SPIN2A: variants seen among roughly 807,000 people sequenced by gnomAD.
SPIN2A encodes spindlin-2A.
In SPIN2A, 4 loss-of-function variants were observed where a neutral mutation model predicts 9.2. The ratio of observed to expected loss-of-function variants is 0.44; its 90% confidence interval spans 0.21 to 1.00. SPIN2A has a LOEUF of 1.00. SPIN2A is among the 50% of genes least tolerant of loss of function. SPIN2A has a pLI of 0.26. For missense variants in SPIN2A, 77 were observed against 172.8 expected (o/e 0.45, Z 3.11); for synonymous variants, 25 against 61.2 (o/e 0.41, Z 2.76).
In SPIN2A at chrX:57,135,757, A is replaced by G; in HGVS notation, c.*64T>C. 3 of 1,166,406 alleles carry G rather than the reference A, an allele frequency of 2.6e-6. No individual in the cohort carries two copies. The highest frequency in any genetic ancestry group is 2.4e-4 in the Middle Eastern group (1 of 4,088). On this transcript the variant is annotated 3_prime_UTR_variant, in exon 2 of 2. Transcript: ENST00000374906. ...AGCTTTCAGTACACTGAAAGGCAAC[A>G]TTTTTTGCATGTCTACAAATTATAC... is the stretch of plus-strand genomic sequence containing the variant.
At chrX:57,141,236 G>A (rs1927996012), upstream of SPIN2A, among the ~76,000 whole-genome samples, 1 of 111,710 alleles carries the variant, frequency 9.0e-6, no homozygotes, top group Admixed American at 9.5e-5. Context: ...GATATATCAC[G>A]TTTATTGATT....
the SPIN2A span, among the ~76,000 whole-genome samples, chrX:57,143,928 T>G: frequency 8.9e-6 from 1 of 112,262 alleles, no homozygotes; most frequent in Non-Finnish European, 1.9e-5. Flanking sequence ...CTTGCCTTTT[T>G]GTGTCATTTC....
In SPIN2A at chrX:57,137,313, C is replaced by T. The variant is rs766695625; in HGVS notation, c.-59G>A. Reference sequence around the variant, plus strand: ...GGCGAAGGAGGGTCAACAGGCGACTCGCTGAGTGACTGCTTGCAAGAGCGG... The same window carrying T: ...GGCGAAGGAGGGTCAACAGGCGACTTGCTGAGTGACTGCTTGCAAGAGCGG... On this transcript the variant is annotated 5_prime_UTR_variant, in exon 1 of 2. Coordinates refer to ENST00000374906, the MANE Select transcript of SPIN2A (RefSeq NM_019003.5). The T allele has an allele frequency of 1.3e-5, 10 of 758,935 alleles. No individual in the cohort carries two copies. Among genetic ancestry groups the T allele is most frequent in the Middle Eastern group, 7.6e-4 (1 of 1,324 alleles). The allele number at this position is 758,935 out of a possible 1,213,427, so 62.5% of individuals were successfully genotyped here. A position where few individuals can be genotyped will look rare whatever the true frequency, so the allele number is the denominator to read the frequency against.
chrX:57,137,640 C>A (rs1251962970), upstream of SPIN2A: 2 of 111,765 alleles, frequency 1.8e-5, no homozygotes. Flanking sequence ...TCCCTTTCCA[C>A]AATTCACAAC....
chrX:57,139,672 T>C (rs973355370), upstream of SPIN2A, among the ~76,000 whole-genome samples: 1 of 111,450 alleles, frequency 9.0e-6, no homozygotes, highest in African/African-American at 3.3e-5. Context: ...GCCAGGATGG[T>C]CTCGATCTCC....
At chrX:57,146,677 T>C in the SPIN2A span, among the ~76,000 whole-genome samples, 2 of 112,218 alleles carry the variant, frequency 1.8e-5, no homozygotes, top group Admixed American at 1.9e-4. Flanking sequence ...CTTTTCTCCA[T>C]TCAGTATAAT....
Position 57,136,012 on chromosome X carries a change from G to A in SPIN2A, c.586C>T (p.Pro196Ser), listed in dbSNP as rs1158657842. The A allele has an allele frequency of 7.5e-6, 9 of 1,206,642 alleles. No homozygotes were observed. The highest frequency in any genetic ancestry group is 1.0e-5 in the Non-Finnish European group (9 of 893,591). Reference sequence around the variant, plus strand: ...CCTCCTGGCTCCCTCTCTGTTGGAGGAGACTCACTGGATTCTGGCATGATG... The same window carrying A: ...CCTCCTGGCTCCCTCTCTGTTGGAGAAGACTCACTGGATTCTGGCATGATG... The part of the protein sequence containing the change: ...LRIMPESSES[P>S]PTEREPGGVV... The change falls in exon 2 of 2, where the codon CCT (proline) becomes TCT (serine). Residue 196 changes from proline (P) to serine (S), a missense_variant. Physicochemically the swap from Pro to Ser is moderately conservative, Grantham distance 74 (BLOSUM62 -1). Coordinates refer to ENST00000374906, the MANE Select transcript of SPIN2A (RefSeq NM_019003.5).
At chrX:57,147,102 CTCTT>C in the SPIN2A span, among the ~76,000 whole-genome samples, 1 of 111,532 alleles carries the variant, frequency 9.0e-6, no homozygotes, top group Non-Finnish European at 1.9e-5. Context: ...GAAGGATTCT[CTCTT>C]TATCTTGTGG....
upstream of SPIN2A, among the ~76,000 whole-genome samples, chrX:57,141,855 T>C (rs1045144740): frequency 4.5e-5 from 5 of 111,307 alleles, no homozygotes; most frequent in African/African-American, 1.3e-4. Context: ...CATAGGTATA[T>C]GTGTGTCATG....
downstream of SPIN2A, chrX:57,135,481 C>A (rs1927664018): frequency 7.9e-6 from 2 of 251,834 alleles, no homozygotes; most frequent in Non-Finnish European, 6.8e-6. Context: ...CCTTCCCCTG[C>A]CCCCTCCAGA....
At chrX:57,137,016 G>A in intron 1 of SPIN2A, 2 of 843,406 alleles carry the variant, frequency 2.4e-6, no homozygotes, top group Non-Finnish European at 2.9e-6. Context: ...CCACTTCCCT[G>A]TTACCTACCT....
the SPIN2A span, among the ~76,000 whole-genome samples, chrX:57,147,173 G>C: frequency 9.0e-6 from 1 of 111,697 alleles, no homozygotes; most frequent in Non-Finnish European, 1.9e-5. Flanking sequence ...GAATTCAGCT[G>C]TGAATTTGTC....
upstream of SPIN2A, among the ~76,000 whole-genome samples, chrX:57,141,698 G>A (rs1028709634): frequency 9.0e-6 from 1 of 111,030 alleles, no homozygotes; most frequent in African/African-American, 3.3e-5. Flanking sequence ...ATTTCTTCTA[G>A]GTTTTTAAAT....
the SPIN2A span, among the ~76,000 whole-genome samples, chrX:57,145,769 T>G: frequency 8.9e-6 from 1 of 112,008 alleles, no homozygotes; most frequent in African/African-American, 3.2e-5. Context: ...TTCATTCTCC[T>G]ACATGTGGCT....
chrX:57,143,488 T>C, the SPIN2A span, among the ~76,000 whole-genome samples: 1 of 110,447 alleles, frequency 9.1e-6, no homozygotes, highest in Non-Finnish European at 1.9e-5. Flanking sequence ...TTATTATTAT[T>C]ATTATTGAGA....
upstream of SPIN2A, among the ~76,000 whole-genome samples, chrX:57,138,025 A>G (rs770922393): frequency 9.8e-5 from 11 of 111,848 alleles, no homozygotes; most frequent in African/African-American, 3.6e-4. Context: ...ATGCATACAC[A>G]CTCACGAATA....
downstream of SPIN2A, chrX:57,135,484 C>A: frequency 1.1e-5 from 3 of 263,416 alleles, no homozygotes; most frequent in Non-Finnish European, 2.0e-5. Context: ...TCCCCTGCCC[C>A]CTCCAGACCA....
upstream of SPIN2A, among the ~76,000 whole-genome samples, chrX:57,140,425 A>G: frequency 9.5e-6 from 1 of 105,429 alleles, no homozygotes; most frequent in East Asian, 2.9e-4. Flanking sequence ...ACCAAAAAAA[A>G]AAAAAAAAAA....
chrX:57,135,604 A>T, downstream of SPIN2A: 1 of 785,453 alleles, frequency 1.3e-6, no homozygotes, highest in Non-Finnish European at 1.8e-6. Flanking sequence ...CATCTACCAA[A>T]CACACCCGAA....
Sources: allele counts gnomAD v4.1 joint callset (sites outside exome capture counted in the v4.1 genomes callset), GRCh38; gene constraint gnomAD v4.1.1; transcripts MANE v1.5; gene names NCBI Gene and HGNC (gene_info 2026-07-23, HGNC 2026-07-21).